FBXO33: variants seen among roughly 807,000 people sequenced by gnomAD.
FBXO33 encodes the protein F-box protein 33, also known as F-box only protein 33.
FBXO33 carries 22 observed loss-of-function variants against 46.3 expected under a neutral mutation model. The ratio of observed to expected loss-of-function variants is 0.48; its 90% CI spans 0.34 to 0.68. The LOEUF (loss-of-function observed/expected upper bound fraction) is 0.68, where lower values mean the gene tolerates loss of function less well. Ranked by LOEUF, FBXO33 falls within the 30% of genes least tolerant of loss-of-function variation. FBXO33 has a pLI of 0.01. For missense variants in FBXO33, 692 were observed against 708.8 expected, an observed-to-expected ratio of 0.98 and a Z score of 0.27; for synonymous variants, 337 against 291.3, an observed-to-expected ratio of 1.16 and a Z score of -1.60.
At chr14:39,411,839 A>G (rs2075424763) in intron 1 of FBXO33, among the ~76,000 whole-genome samples, 1 of 152,072 alleles carries the variant, frequency 6.6e-6, no homozygotes, top group South Asian at 2.1e-4. Context: ...CCCTTTTAAT[A>G]TTTATTGACT....
At chr14:39,416,981 G>A (rs956680500) in intron 1 of FBXO33, among the ~76,000 whole-genome samples, 2 of 152,184 alleles carry the variant, frequency 1.3e-5, no homozygotes, top group African/African-American at 4.8e-5. Flanking sequence ...ACTGTTTGCT[G>A]TAGAGGGTAC....
chr14:39,402,652 C>A, intron 1 of FBXO33, 141 bp from the exon 2 acceptor site: 1 of 321,696 alleles, frequency 3.1e-6, no homozygotes, highest in Non-Finnish European at 5.4e-6. Context: ...TAAGTACTTT[C>A]AGATTGCTTT....
rs1001894710 is a variant in FBXO33 at position 39,398,615 on chromosome 14, T to C, written c.*901A>G. On this transcript the variant is annotated 3_prime_UTR_variant, in exon 4 of 4. Transcript: ENST00000298097. ...CAGAGTGGGCCGGCCCCTGCCAGCATGTGGGCACTTCTTCATTAAGTCTAT... is the reference window on the plus strand; with the variant it reads ...CAGAGTGGGCCGGCCCCTGCCAGCACGTGGGCACTTCTTCATTAAGTCTAT... 2.0e-5 allele frequency: 3 copies of C among 152,656 alleles called. No homozygotes were observed. The highest frequency in any genetic ancestry group is 7.2e-5 in the African/African-American group (3 of 41,462). The allele number at this position is 152,656 out of a possible 1,614,324, so 9.5% of individuals were successfully genotyped here. A position where few individuals can be genotyped will look rare whatever the true frequency, so the allele number is the denominator to read the frequency against.
chr14:39,431,852 T>C lies in FBXO33; in HGVS notation c.311A>G (p.Tyr104Cys). The C allele has an allele frequency of 6.3e-7, 1 of 1,596,510 alleles. No individual in the cohort carries two copies. The highest frequency in any genetic ancestry group is 8.5e-7 in the Non-Finnish European group (1 of 1,175,264). ...GCGGAGCTGGGGCCACAGGGCCGGA[T>C]AGAAGAGGCACTCACGCCAGTGCGA... Reference protein sequence around the residue: ...SCSHWRECLFYPALWPQLRIC... With the variant: ...SCSHWRECLFCPALWPQLRIC... Residue 104 changes from tyrosine (Y) to cysteine (C), a missense_variant, in exon 1 of 4, where the codon TAT (tyrosine) becomes TGT (cysteine). Transcript: ENST00000298097.
rs3814860 is a variant in FBXO33 at position 39,399,442 on chromosome 14, C to A, written c.*74G>T. On this transcript the variant is annotated 3_prime_UTR_variant, in exon 4 of 4. Transcript: ENST00000298097. ...TAAACACAGCACAAAAGGATTAATT[C>A]ACACTACTGAAAAAAAAACATAATA... 0.26 allele frequency: 333,837 copies of A among 1,306,836 alleles called. 45,242 individuals are homozygous for A. Among genetic ancestry groups the A allele is most frequent in the East Asian group, 0.5 (21,191 of 42,024 alleles). The allele number at this position is 1,306,836 out of a possible 1,614,324, so 81.0% of individuals were successfully genotyped here. A position where few individuals can be genotyped will look rare whatever the true frequency, so the allele number is the denominator to read the frequency against.
At chr14:39,415,780 C>T (rs2075445554) in intron 1 of FBXO33, among the ~76,000 whole-genome samples, 1 of 152,118 alleles carries the variant, frequency 6.6e-6, no homozygotes, top group Admixed American at 6.6e-5. Flanking sequence ...GATTCTCCTG[C>T]CTCAGCCTCC....
At chr14:39,419,023 C>T (rs2075465499) in intron 1 of FBXO33, among the ~76,000 whole-genome samples, 1 of 152,132 alleles carries the variant, frequency 6.6e-6, no homozygotes, top group Admixed American at 6.5e-5. Flanking sequence ...GAGAGATATA[C>T]TTTTAAAGCC....
At chr14:39,428,046 A>G (rs560421389) in intron 1 of FBXO33, among the ~76,000 whole-genome samples, 1 of 152,202 alleles carries the variant, frequency 6.6e-6, no homozygotes. Flanking sequence ...CCCAAATCTA[A>G]GTATTATTAA....
chr14:39,400,857 C>T (rs1020160658), intron 3 of FBXO33, among the ~76,000 whole-genome samples: 1 of 152,062 alleles, frequency 6.6e-6, no homozygotes. Flanking sequence ...TTTAAGGGGT[C>T]GTGTGATTAG....
At chr14:39,401,956 T>G in intron 2 of FBXO33, 95 bp from the exon 3 acceptor site, 1 of 420,570 alleles carries the variant, frequency 2.4e-6, no homozygotes, top group South Asian at 3.0e-5. Flanking sequence ...AAGCATGCAA[T>G]TTTGAGATCT....
rs1275664520 is a variant in FBXO33, at chr14:39,432,119, G to C, written c.44C>G (p.Ala15Gly). Residue 15 changes from alanine (A) to glycine (G), a missense_variant, in exon 1 of 4, where the codon GCT becomes GGT. Coordinates refer to ENST00000298097, the MANE Select transcript of FBXO33 (RefSeq NM_203301.4). Reference protein sequence around the residue: ...LSVPQPRPPGARTRAGAARVA... With the variant: ...LSVPQPRPPGGRTRAGAARVA... ...CCGGGCGGCCCCGGCTCGGGTTCGA[G>C]CTCCCGGCGGTCGGGGCTGCGGCAC... 2.4e-6 allele frequency: 3 copies of C among 1,244,172 alleles called. No individual in the cohort carries two copies. Among genetic ancestry groups the C allele is most frequent in the Non-Finnish European group, 3.0e-6 (3 of 997,296 alleles). 77.1% of individuals were successfully genotyped at this position (1,244,172 alleles called of 1,614,324 possible). A position where few individuals can be genotyped will look rare whatever the true frequency, so the allele number is the denominator to read the frequency against.
chr14:39,429,385 G>T (rs1431900714), intron 1 of FBXO33, among the ~76,000 whole-genome samples: 2 of 152,096 alleles, frequency 1.3e-5, no homozygotes, highest in Admixed American at 6.5e-5. Context: ...AATGTCAAAT[G>T]TCCCAAGTCT....
chr14:39,418,784 A>C lies in FBXO33; in HGVS notation c.599+12780T>G, dbSNP rs570398542. Among the ~76,000 whole-genome samples, 259 of 135,088 alleles carry C rather than the reference A, an allele frequency of 1.9e-3. 1 individual carries two copies. Among genetic ancestry groups the C allele is most frequent in the African/African-American group, 7.2e-3 (247 of 34,456 alleles). 88.6% of individuals were successfully genotyped at this position (135,088 alleles called of 152,430 possible). ...AGCGAGACTCCGTCTCAAAAAAAAA[A>C]AAAAACAAAAAAAAAACAAACTGCA... On this transcript the variant is annotated intron_variant, in intron 1 of 3. Transcript: ENST00000298097.
intron 1 of FBXO33, among the ~76,000 whole-genome samples, chr14:39,421,788 A>T (rs1024234202): frequency 8.0e-4 from 58 of 72,422 alleles, no homozygotes; most frequent in African/African-American, 3.7e-3. Context: ...AATCACACAC[A>T]CACACACACA....
intron 1 of FBXO33, among the ~76,000 whole-genome samples, chr14:39,428,618 A>C (rs2075527916): frequency 1.3e-5 from 2 of 152,178 alleles, no homozygotes; most frequent in South Asian, 4.1e-4. Context: ...GATGAAGACA[A>C]TGTGCCTATG....
chr14:39,419,617 T>A (rs188532797), intron 1 of FBXO33, among the ~76,000 whole-genome samples: 1 of 152,342 alleles, frequency 6.6e-6, no homozygotes, highest in Admixed American at 6.5e-5. Context: ...ACATAATCCT[T>A]TTAATTAAGG....
In FBXO33 at chr14:39,401,185, C is replaced by A; in HGVS notation, c.1387G>T (p.Ala463Ser). ...AWRCTKLSLLAIHGYTVWAHN... is the reference protein window; with the variant it reads ...AWRCTKLSLLSIHGYTVWAHN... ...GAACAAGATCACCTACCATGAATTG[C>A]CAGAAGAGAGAGCTTTGTGCACCTC... Residue 463 changes from alanine to serine, a missense_variant, in exon 3 of 4, where the codon GCA becomes TCA. Physicochemically the swap from Ala to Ser is moderately conservative, Grantham distance 99. Coordinates refer to ENST00000298097, the MANE Select transcript of FBXO33 (RefSeq NM_203301.4). 1.9e-6 allele frequency: 3 copies of A among 1,580,286 alleles called. No individual in the cohort carries two copies. The highest frequency in any genetic ancestry group is 2.6e-6 in the Non-Finnish European group (3 of 1,166,630).
At chr14:39,430,423 G>C (rs572131823) in intron 1 of FBXO33, among the ~76,000 whole-genome samples, 2 of 152,170 alleles carry the variant, frequency 1.3e-5, no homozygotes, top group African/African-American at 4.8e-5. Context: ...CATTAAACCA[G>C]GGACTGCTCT....
At position 39,415,532 on chromosome 14, in the gene FBXO33, A is replaced by G. The variant is rs111568383; in HGVS notation, c.600-13021T>C. ...TACCATGTGGTATATATAATAGTGC[A>G]TTTTAAGATAATAATATAATTGTAT... is the stretch of plus-strand genomic sequence containing the variant. On this transcript the variant is annotated intron_variant, in intron 1 of 3. Coordinates refer to ENST00000298097, the MANE Select transcript of FBXO33 (RefSeq NM_203301.4). Among the ~76,000 whole-genome samples the G allele has an allele frequency of 8.5e-5, 13 of 152,330 alleles. 1 individual carries two copies. Among genetic ancestry groups the G allele is most frequent in the African/African-American group, 2.9e-4 (12 of 41,572 alleles).
Sources: gnomAD v4.1 joint callset for allele counts (sites outside exome capture counted in the v4.1 genomes callset) on GRCh38, gnomAD v4.1.1 for gene constraint, MANE v1.5 for transcripts, NCBI Gene and HGNC (gene_info 2026-07-23, HGNC 2026-07-21) for gene names.